Variants in KLF17 observed in about 807,000 individuals in gnomAD.
The protein encoded by KLF17 is Krueppel-like factor 17.
In KLF17, 31 loss-of-function variants were observed where a neutral mutation model predicts 34.2. The observed-to-expected ratio is 0.91, with a 90% CI of 0.68 to 1.22. The LOEUF (loss-of-function observed/expected upper bound fraction) is 1.22. KLF17 is among the 50% of genes most tolerant of loss of function. The pLI is 0.00. For synonymous variants in KLF17, 179 were observed against 186.7 expected (o/e 0.96, Z 0.34); for missense variants, 478 against 505.2 (o/e 0.95, Z 0.52).
chr1:44,049,105 C>T, the KLF17 span, among the ~76,000 whole-genome samples: 6 of 152,164 alleles, frequency 3.9e-5, no homozygotes, highest in Non-Finnish European at 7.3e-5. Context: ...GGTGAGGGCT[C>T]TCTTCCTGGC....
At chr1:44,078,434 C>CTTTTTTT in the KLF17 span, among the ~76,000 whole-genome samples, 4 of 122,034 alleles carry the variant, frequency 3.3e-5, 1 homozygote, top group African/African-American at 2.9e-5. Flanking sequence ...GCTTTTCCTT[C>CTTTTTTT]TTCTTTTTTT....
the KLF17 span, among the ~76,000 whole-genome samples, chr1:44,106,255 C>T: frequency 2.6e-5 from 4 of 152,164 alleles, no homozygotes; most frequent in Non-Finnish European, 5.9e-5. Flanking sequence ...CCATTCCACT[C>T]CCACTTATCT....
At chr1:44,076,990 C>T in the KLF17 span, among the ~76,000 whole-genome samples, 1 of 150,686 alleles carries the variant, frequency 6.6e-6, no homozygotes, top group Non-Finnish European at 1.5e-5. Flanking sequence ...CCTACTCAGC[C>T]TCCCAAAGTG....
the KLF17 span, among the ~76,000 whole-genome samples, chr1:44,095,390 T>C: frequency 4.0e-5 from 6 of 151,776 alleles, no homozygotes; most frequent in Non-Finnish European, 8.8e-5. Context: ...TAATTTTGTA[T>C]TTTTAGTAGA....
the KLF17 span, among the ~76,000 whole-genome samples, chr1:44,066,752 A>G: frequency 4.1e-4 from 62 of 152,336 alleles, 1 homozygote; most frequent in South Asian, 0.012. Context: ...GTAAGAGCAC[A>G]AATAAAAGAA....
At position 44,127,638 on chromosome 1, in the gene KLF17, C is replaced by G. The variant is rs58597920; in HGVS notation, c.82-1715C>G. 5.0e-5 allele frequency among the ~76,000 whole-genome samples: 3 copies of G among 59,508 alleles called. No homozygotes were observed. The East Asian group carries it at 2.0e-3, about 39-fold the overall frequency. 39.0% of individuals were successfully genotyped at this position (59,508 alleles called of 152,430 possible). A position where few individuals can be genotyped will look rare whatever the true frequency, so the allele number is the denominator to read the frequency against. On this transcript the variant is annotated intron_variant, in intron 1 of 3. Transcript: ENST00000372299. ...TCTTTTCTTTTCTTTTCTTTTCTTT[C>G]CTTCTTTCTTTCTTTCTTTCTTTCT...
At chr1:44,098,771 T>C in the KLF17 span, among the ~76,000 whole-genome samples, 11 of 152,048 alleles carry the variant, frequency 7.2e-5, no homozygotes, top group East Asian at 5.8e-4. Context: ...AAGATGGTCT[T>C]GATCTCCTGA....
At chr1:44,074,198 C>G in the KLF17 span, among the ~76,000 whole-genome samples, 1 of 152,028 alleles carries the variant, frequency 6.6e-6, no homozygotes, top group Non-Finnish European at 1.5e-5. Context: ...CTCATCATGC[C>G]CCTACCATCA....
chr1:44,123,458 G>A (rs2087972875), intron 1 of KLF17, among the ~76,000 whole-genome samples: 1 of 152,082 alleles, frequency 6.6e-6, no homozygotes, highest in Non-Finnish European at 1.5e-5. Flanking sequence ...TGTAAAATTG[G>A]TAATAATGTC....
the KLF17 span, among the ~76,000 whole-genome samples, chr1:44,097,013 A>G: frequency 5.3e-5 from 8 of 152,318 alleles, no homozygotes; most frequent in South Asian, 4.1e-4. Context: ...TATAAGGTGT[A>G]ACGAAGTGGT....
the KLF17 span, among the ~76,000 whole-genome samples, chr1:44,087,596 G>A: frequency 6.6e-6 from 1 of 150,788 alleles, no homozygotes; most frequent in African/African-American, 2.4e-5. Flanking sequence ...TGGACTTCCA[G>A]GATGGAGGTA....
At position 44,129,458 on chromosome 1, in the gene KLF17, C is replaced by T. The variant is rs1368024086; in HGVS notation, c.187C>T (p.His63Tyr). The change falls in exon 2 of 4, where the codon CAC (histidine) becomes TAC (tyrosine). Residue 63 changes from histidine (H) to tyrosine (Y), a missense_variant. Coordinates refer to ENST00000372299, the MANE Select transcript of KLF17 (RefSeq NM_173484.4). The part of the protein sequence containing the change: ...QGLPSIQHFP[H>Y]SAEMLGSPLV... The stretch of plus-strand genomic sequence containing the variant: ...CCTACCAAGCATTCAGCACTTTCCT[C>T]ACAGCGCAGAGATGCTGGGGTCCCC... The T allele has an allele frequency of 6.2e-7, 1 of 1,607,034 alleles. No individual in the cohort carries two copies. The highest frequency in any genetic ancestry group is 8.5e-7 in the Non-Finnish European group (1 of 1,176,102).
At position 44,134,588 on chromosome 1, in the gene KLF17, T is replaced by A. The variant is rs2088148841; in HGVS notation, c.*1351T>A. On this transcript the variant is annotated 3_prime_UTR_variant, in exon 4 of 4. Transcript: ENST00000372299. ...TAGATTTTGAATCCTGCCTCTGCCA[T>A]TTCCTGGCTATGAGGTGTCTTGAGA... 1 of 152,216 alleles carries A rather than the reference T, an allele frequency of 6.6e-6. No homozygotes were observed. The highest frequency in any genetic ancestry group is 2.4e-5 in the African/African-American group (1 of 41,448). 9.4% of individuals were successfully genotyped at this position (152,216 alleles called of 1,614,324 possible).
chr1:44,086,376 C>G, the KLF17 span, among the ~76,000 whole-genome samples: 2 of 152,164 alleles, frequency 1.3e-5, no homozygotes, highest in African/African-American at 2.4e-5. Flanking sequence ...TGAGGCAGGA[C>G]AATCACTTGA....
At chr1:44,087,759 TATATATATATACAC>T in the KLF17 span, among the ~76,000 whole-genome samples, 98 of 55,318 alleles carry the variant, frequency 1.8e-3, no homozygotes, top group East Asian at 5.0e-3. Flanking sequence ...TATATATATA[TATATATATATACAC>T]ACACACACAC....
At chr1:44,096,385 A>G in the KLF17 span, among the ~76,000 whole-genome samples, 3 of 142,892 alleles carry the variant, frequency 2.1e-5, no homozygotes, top group African/African-American at 5.1e-5. Context: ...ATTGTTTTTT[A>G]TTTTTATTAT....
chr1:44,096,491 C>T, the KLF17 span, among the ~76,000 whole-genome samples: 2 of 151,558 alleles, frequency 1.3e-5, no homozygotes, highest in Non-Finnish European at 2.9e-5. Context: ...CTCCGCCTCC[C>T]AGGTTCACAC....
At chr1:44,081,749 G>A in the KLF17 span, among the ~76,000 whole-genome samples, 1 of 152,014 alleles carries the variant, frequency 6.6e-6, no homozygotes. Flanking sequence ...TTCCATATGG[G>A]CACATCACCG....
chr1:44,103,085 T>A, the KLF17 span, among the ~76,000 whole-genome samples: 1 of 152,164 alleles, frequency 6.6e-6, no homozygotes, highest in Non-Finnish European at 1.5e-5. Context: ...AGGTTTTATT[T>A]TGGACACACA....
Sources: allele counts gnomAD v4.1 joint callset (sites outside exome capture counted in the v4.1 genomes callset), GRCh38; gene constraint gnomAD v4.1.1; transcripts MANE v1.5; gene names NCBI Gene and HGNC (gene_info 2026-07-23, HGNC 2026-07-21).